The following TLN2 variants were observed in gnomAD, a reference collection of about 807,000 sequenced individuals.
The protein encoded by TLN2 is talin 2, also known as talin-2.
Under a neutral mutation model 294.7 loss-of-function variants are expected in TLN2, and 118 were observed. That is an observed-to-expected ratio of 0.40 (90% CI 0.34 to 0.47). The LOEUF (loss-of-function observed/expected upper bound fraction) is 0.47, where lower values mean the gene tolerates loss of function less well. Among genes scored for constraint, TLN2 ranks in the 20% least tolerant of loss-of-function variants. The pLI is 0.84. For missense variants in TLN2, 3,083 were observed against 3,282.2 expected (o/e 0.94, Z 1.48); for synonymous variants, 1,431 against 1,304.5 (o/e 1.10, Z -2.09).
At chr15:62,491,545 T>C (rs531097430) in intron 1 of TLN2, among the ~76,000 whole-genome samples, 1 of 152,230 alleles carries the variant, frequency 6.6e-6, no homozygotes, top group East Asian at 1.9e-4. Flanking sequence ...TCAGATATGC[T>C]CTTATCTCAG....
chr15:62,800,888 C>T, intron 50 of TLN2, 119 bp downstream of exon 50: 1 of 746,154 alleles, frequency 1.3e-6, no homozygotes, highest in South Asian at 1.8e-5. Context: ...CTGAGAATGC[C>T]CCTTCACCTG....
intron 1 of TLN2, among the ~76,000 whole-genome samples, chr15:62,450,793 A>G (rs895965648): frequency 3.3e-5 from 5 of 151,488 alleles, no homozygotes; most frequent in Admixed American, 6.6e-5. Flanking sequence ...CTGGTCTCGA[A>G]CTCCTGGGCT....
intron 1 of TLN2, among the ~76,000 whole-genome samples, chr15:62,444,202 C>G (rs549132511): frequency 6.6e-6 from 1 of 152,264 alleles, no homozygotes; most frequent in Non-Finnish European, 1.5e-5. Flanking sequence ...GAGGGTGAGG[C>G]TAGTAATTCT....
intron 6 of TLN2, among the ~76,000 whole-genome samples, chr15:62,652,582 T>C (rs1398202889): frequency 6.6e-6 from 1 of 152,156 alleles, no homozygotes; most frequent in Admixed American, 6.5e-5. Flanking sequence ...TTGAAGAAAA[T>C]AGACTTACCT....
chr15:62,720,648 GGTGTGTGTGTGT>G (rs5813167), intron 25 of TLN2, among the ~76,000 whole-genome samples: 4 of 149,098 alleles, frequency 2.7e-5, no homozygotes, highest in African/African-American at 5.0e-5. Context: ...ATACAACACA[GGTGTGTGTGTGT>G]GTGTGTGTGT....
At chr15:62,650,313 G>C (rs1596495017) in intron 5 of TLN2, 132 bp downstream of exon 5, 1 of 820,718 alleles carries the variant, frequency 1.2e-6, no homozygotes, top group Non-Finnish European at 1.9e-6. Context: ...ACTTTGTAAG[G>C]GCTGTTCAGG....
At chr15:62,710,720 CTTTTTTTT>C (rs71287048) in intron 21 of TLN2, among the ~76,000 whole-genome samples, 4,937 of 77,234 alleles carry the variant, frequency 0.064, 270 homozygotes, top group African/African-American at 0.19. Flanking sequence ...TGCTGATGTC[CTTTTTTTT>C]TTTTTTTTTT....
chr15:62,441,783 G>T (rs762794259), intron 1 of TLN2, among the ~76,000 whole-genome samples: 16 of 152,184 alleles, frequency 1.1e-4, no homozygotes, highest in Non-Finnish European at 2.9e-5. Flanking sequence ...GATGTGATCA[G>T]TCATGCCTAT....
chr15:62,581,382 C>T (rs1350526391), intron 1 of TLN2, among the ~76,000 whole-genome samples: 1 of 152,138 alleles, frequency 6.6e-6, no homozygotes, highest in Admixed American at 6.5e-5. Flanking sequence ...TACCTTCTTG[C>T]TCTTTTTACT....
chr15:62,829,432 C>G (rs1169168031), intron 54 of TLN2: 3 of 151,992 alleles, frequency 2.0e-5, no homozygotes, highest in African/African-American at 4.8e-5. Context: ...ATGAAACTTA[C>G]TCACTATCAC....
intron 1 of TLN2, among the ~76,000 whole-genome samples, chr15:62,468,881 T>A (rs1009795444): frequency 3.3e-5 from 5 of 152,224 alleles, no homozygotes; most frequent in African/African-American, 1.2e-4. Context: ...ATTTCCATGC[T>A]GTTTTCTTGA....
chr15:62,491,335 AAAATATAT>A (rs1372322495), intron 1 of TLN2, among the ~76,000 whole-genome samples: 16 of 100,970 alleles, frequency 1.6e-4, no homozygotes, highest in African/African-American at 4.7e-4. Flanking sequence ...TCAAAAAAAA[AAAATATAT>A]ATATATATAC....
At chr15:62,418,126 T>TA (rs1362969391) in intron 1 of TLN2, among the ~76,000 whole-genome samples, 2 of 152,220 alleles carry the variant, frequency 1.3e-5, no homozygotes, top group African/African-American at 4.8e-5. Flanking sequence ...ATCCACTTAA[T>TA]ATGTGACCTA....
At chr15:62,733,150 T>A (rs2060820937) in intron 28 of TLN2, among the ~76,000 whole-genome samples, 1 of 152,076 alleles carries the variant, frequency 6.6e-6, no homozygotes, top group African/African-American at 2.4e-5. Flanking sequence ...TGGAAATCTT[T>A]GAAAGAAAGA....
At chr15:62,582,023 A>T (rs570709507) in intron 1 of TLN2, among the ~76,000 whole-genome samples, 3 of 151,616 alleles carry the variant, frequency 2.0e-5, no homozygotes, top group Admixed American at 6.6e-5. Flanking sequence ...CAGCCTGGGC[A>T]AGAAGAGTGA....
In TLN2 at chr15:62,559,308, A is replaced by G. The variant is rs1319959195; in HGVS notation, c.-237-30379A>G. On this transcript the variant is annotated intron_variant, in intron 1 of 58. Coordinates refer to ENST00000636159, the MANE Select transcript of TLN2 (RefSeq NM_015059.3). Reference sequence around the variant, plus strand: ...CTCTCCCAGTTCTGCGTGGGCTACAATCTAAGTAACTGAGGCCAGCGGATG... The same window carrying G: ...CTCTCCCAGTTCTGCGTGGGCTACAGTCTAAGTAACTGAGGCCAGCGGATG... Among the ~76,000 whole-genome samples, 6 of 152,118 alleles carry G rather than the reference A, an allele frequency of 3.9e-5. No homozygotes were observed. In the East Asian group the frequency reaches 7.7e-4, roughly 20 times the overall value.
At chr15:62,739,773 C>T (rs894737408) in intron 31 of TLN2, among the ~76,000 whole-genome samples, 2 of 152,170 alleles carry the variant, frequency 1.3e-5, no homozygotes, top group African/African-American at 2.4e-5. Context: ...TAACTTCTCC[C>T]ACGATCCTCC....
At chr15:62,605,752 A>G (rs78968628) in intron 2 of TLN2, among the ~76,000 whole-genome samples, 2,984 of 152,280 alleles carry the variant, frequency 0.02, 64 homozygotes, top group South Asian at 0.069. Flanking sequence ...TCATTGGTGT[A>G]TCTAAGTCAC....
chr15:62,782,498 G>A (rs1458620056), intron 44 of TLN2, among the ~76,000 whole-genome samples: 1 of 152,218 alleles, frequency 6.6e-6, no homozygotes, highest in Non-Finnish European at 1.5e-5. Flanking sequence ...GTCCTGAGCT[G>A]CCTTGGCTTG....
Sources: gnomAD v4.1 joint callset for allele counts (sites outside exome capture counted in the v4.1 genomes callset) on GRCh38, gnomAD v4.1.1 for gene constraint, MANE v1.5 for transcripts, NCBI Gene and HGNC (gene_info 2026-07-23, HGNC 2026-07-21) for gene names.